CHST8: variants seen among roughly 807,000 people sequenced by gnomAD.
The protein encoded by CHST8 is GALNAC-4-ST1.
CHST8 carries 10 observed loss-of-function variants against 15.0 expected under a neutral mutation model. That is an observed-to-expected ratio of 0.67 (90% CI 0.41 to 1.13). The LOEUF (loss-of-function observed/expected upper bound fraction) is 1.13. Among genes scored for constraint, CHST8 ranks in the 50% most tolerant of loss-of-function variants. The pLI is 0.00. For missense variants in CHST8, 634 were observed against 608.2 expected, an observed-to-expected ratio of 1.04 and a Z score of -0.45; for synonymous variants, 259 against 256.6, an observed-to-expected ratio of 1.01 and a Z score of -0.09.
At chr19:33,713,218 G>C (rs934158245) in intron 3 of CHST8, among the ~76,000 whole-genome samples, 1 of 152,170 alleles carries the variant, frequency 6.6e-6, no homozygotes, top group Non-Finnish European at 1.5e-5. Flanking sequence ...TGCAGGTGAA[G>C]TTCACCTGCT....
At position 33,710,231 on chromosome 19, in the gene CHST8, T is replaced by C. The variant is rs565316858; in HGVS notation, c.130+20840T>C. On this transcript the variant is annotated intron_variant, in intron 3 of 4. Transcript: ENST00000650847. ...TAGTTTGTATTGTCTCTCTGTTTTC[T>C]TTCAAAGTCTAGCTAAAGGTTTGTC... Among the ~76,000 whole-genome samples, 5 of 152,346 alleles carry C rather than the reference T, an allele frequency of 3.3e-5. No homozygotes were observed. The East Asian group carries it at 9.6e-4, about 29-fold the overall frequency.
intron 3 of CHST8, among the ~76,000 whole-genome samples, chr19:33,749,499 C>T (rs1974374562): frequency 1.4e-5 from 2 of 142,780 alleles, no homozygotes; most frequent in South Asian, 2.5e-4. Flanking sequence ...TCTGTAGGGG[C>T]CGATGCTATG....
chr19:33,728,806 G>A (rs557922763), intron 3 of CHST8, among the ~76,000 whole-genome samples: 11 of 152,318 alleles, frequency 7.2e-5, no homozygotes, highest in South Asian at 4.1e-4. Context: ...TGTGAGCCCA[G>A]GGCAGGAGGA....
intron 3 of CHST8, among the ~76,000 whole-genome samples, chr19:33,733,013 A>G (rs1020632436): frequency 6.6e-6 from 1 of 152,066 alleles, no homozygotes; most frequent in Non-Finnish European, 1.5e-5. Flanking sequence ...TCAATGATTG[A>G]TGATTGATTG....
At chr19:33,724,208 C>G (rs896063096) in intron 3 of CHST8, among the ~76,000 whole-genome samples, 2 of 152,180 alleles carry the variant, frequency 1.3e-5, no homozygotes, top group Non-Finnish European at 2.9e-5. Context: ...CCAGGCTCCA[C>G]CGGTTACCCC....
chr19:33,758,910 T>A (rs113727530), intron 3 of CHST8, among the ~76,000 whole-genome samples: 4,944 of 150,778 alleles, frequency 0.033, 114 homozygotes, highest in Middle Eastern at 0.059. Flanking sequence ...CAGCATCCAC[T>A]TGGTTTCTTG....
chr19:33,719,904 G>A (rs1973749932), intron 3 of CHST8, among the ~76,000 whole-genome samples: 1 of 152,128 alleles, frequency 6.6e-6, no homozygotes, highest in Non-Finnish European at 1.5e-5. Context: ...CAGAGCTACT[G>A]CTGCAGCCAC....
intron 1 of CHST8, among the ~76,000 whole-genome samples, chr19:33,654,734 T>G (rs1972488819): frequency 6.6e-6 from 1 of 152,066 alleles, no homozygotes; most frequent in South Asian, 2.1e-4. Context: ...TTTCTAGGCT[T>G]CCATTTCACT....
intron 3 of CHST8, among the ~76,000 whole-genome samples, chr19:33,723,086 T>C (rs976475116): frequency 2.0e-5 from 3 of 152,194 alleles, no homozygotes; most frequent in African/African-American, 4.8e-5. Flanking sequence ...CCACTCCCTA[T>C]GCGTGATCCT....
rs1973469714 is a variant in CHST8 at position 33,707,504 on chromosome 19, C to T, written c.130+18113C>T. ...TCTAAACATTTCATATCAATGTAAT[C>T]ATACACTGTGTGGTCTATCATATCT... On this transcript the variant is annotated intron_variant, in intron 3 of 4. Coordinates refer to ENST00000650847, the MANE Select transcript of CHST8 (RefSeq NM_001127895.2). Among the ~76,000 whole-genome samples, 4 of 152,330 alleles carry T rather than the reference C, an allele frequency of 2.6e-5. 1 individual carries two copies. The South Asian group carries it at 8.3e-4, about 32-fold the overall frequency.
chr19:33,665,066 G>A (rs1972638860), intron 1 of CHST8, among the ~76,000 whole-genome samples: 1 of 152,214 alleles, frequency 6.6e-6, no homozygotes, highest in Non-Finnish European at 1.5e-5. Context: ...ACGTGGGAGT[G>A]TAGATATCTT....
intron 3 of CHST8, among the ~76,000 whole-genome samples, chr19:33,736,068 G>T (rs540205619): frequency 5.3e-5 from 8 of 152,308 alleles, no homozygotes; most frequent in Non-Finnish European, 5.9e-5. Flanking sequence ...ATGGGGCCGG[G>T]ATCCCAGGCC....
chr19:33,750,366 C>G (rs1974389945), intron 3 of CHST8, among the ~76,000 whole-genome samples: 1 of 152,204 alleles, frequency 6.6e-6, no homozygotes, highest in South Asian at 2.1e-4. Context: ...CTCAGGGTTT[C>G]CTGCTCAGTC....
chr19:33,697,722 A>G (rs1301843508), intron 3 of CHST8, among the ~76,000 whole-genome samples: 2 of 152,314 alleles, frequency 1.3e-5, no homozygotes, highest in East Asian at 3.9e-4. Context: ...TGGGGTACCC[A>G]GTATTGTTGT....
At chr19:33,719,268 C>T (rs1301579031) in intron 3 of CHST8, among the ~76,000 whole-genome samples, 1 of 151,872 alleles carries the variant, frequency 6.6e-6, no homozygotes, top group Non-Finnish European at 1.5e-5. Context: ...TGGGGGAGCC[C>T]TGGGCGGGGA....
At chr19:33,696,379 G>A (rs1454716793) in intron 3 of CHST8, among the ~76,000 whole-genome samples, 2 of 151,980 alleles carry the variant, frequency 1.3e-5, no homozygotes, top group Non-Finnish European at 2.9e-5. Flanking sequence ...TGGTGCGCGA[G>A]CTATCAAAGC....
At chr19:33,654,552 G>C (rs922317504) in intron 1 of CHST8, among the ~76,000 whole-genome samples, 7 of 151,902 alleles carry the variant, frequency 4.6e-5, no homozygotes, top group Admixed American at 4.6e-4. Flanking sequence ...AGCCTCCATG[G>C]GTTCATCAGT....
intron 1 of CHST8, among the ~76,000 whole-genome samples, chr19:33,625,001 C>T (rs967817010): frequency 1.2e-4 from 18 of 152,168 alleles, no homozygotes; most frequent in South Asian, 4.2e-4. Flanking sequence ...TTTACTGGTG[C>T]GTGGCAGCCA....
intron 1 of CHST8, among the ~76,000 whole-genome samples, chr19:33,622,607 G>T (rs1480204518): frequency 1.3e-5 from 2 of 152,092 alleles, no homozygotes; most frequent in African/African-American, 4.8e-5. Flanking sequence ...CTCCCGCTCC[G>T]CCTCCTGGCC....
Sources: gnomAD v4.1 joint callset for allele counts (sites outside exome capture counted in the v4.1 genomes callset) on GRCh38, gnomAD v4.1.1 for gene constraint, MANE v1.5 for transcripts, NCBI Gene and HGNC (gene_info 2026-07-23, HGNC 2026-07-21) for gene names.